Variants in NRP2 observed in about 807,000 individuals in gnomAD.
The protein encoded by NRP2 is neuropilin-2.
NRP2 carries 52 observed loss-of-function variants against 110.4 expected under a neutral mutation model. The ratio of observed to expected loss-of-function variants is 0.47; its 90% CI spans 0.38 to 0.59. NRP2 has a LOEUF of 0.59. Ranked by LOEUF, NRP2 falls within the 20% of genes least tolerant of loss-of-function variation. The pLI is 0.00. For synonymous variants in NRP2, 508 were observed against 468.9 expected (o/e 1.08, Z -1.08); for missense variants, 1,049 against 1,203.0 (o/e 0.87, Z 1.89).
chr2:205,775,982 CACTTA>C (rs1234656639), intron 15 of NRP2, among the ~76,000 whole-genome samples: 1 of 152,178 alleles, frequency 6.6e-6, no homozygotes, highest in Non-Finnish European at 1.5e-5. Flanking sequence ...GCTGTATAAC[CACTTA>C]ACTTAACCTC....
chr2:205,722,457 A>G, intron 3 of NRP2, 21 bp from the exon 4 acceptor site: 1 of 1,583,198 alleles, frequency 6.3e-7, no homozygotes, highest in Non-Finnish European at 8.7e-7. Context: ...TCTTAGTGCT[A>G]CAGTTCTCTT....
intron 2 of NRP2, among the ~76,000 whole-genome samples, chr2:205,698,944 G>A (rs897039858): frequency 6.6e-6 from 1 of 152,218 alleles, no homozygotes; most frequent in African/African-American, 2.4e-5. Flanking sequence ...GAGGAAACAA[G>A]GCCCCTCTTT....
At chr2:205,756,920 T>C (rs920597978) in intron 12 of NRP2, 2 of 152,182 alleles carry the variant, frequency 1.3e-5, no homozygotes, top group African/African-American at 4.8e-5. Flanking sequence ...TGTAAGTAAA[T>C]ATTAATACTA....
chr2:205,718,313 A>G (rs1010810954), intron 3 of NRP2, among the ~76,000 whole-genome samples: 2 of 152,264 alleles, frequency 1.3e-5, no homozygotes, highest in Non-Finnish European at 2.9e-5. Flanking sequence ...GGAGGATATT[A>G]AAAGATAAAA....
chr2:205,708,130 T>C, intron 2 of NRP2, among the ~76,000 whole-genome samples: 1 of 152,222 alleles, frequency 6.6e-6, no homozygotes, highest in East Asian at 1.9e-4. Flanking sequence ...TCTGGTATCA[T>C]TCCAGAATGC....
chr2:205,686,676 G>T lies in NRP2; in HGVS notation c.73+3313G>T, dbSNP rs1261341386. On this transcript the variant is annotated intron_variant, in intron 1 of 16. Coordinates refer to ENST00000357785, the MANE Select transcript of NRP2 (RefSeq NM_003872.3). The surrounding 1 kb of genome is among the most constrained non-coding windows in gnomAD (Gnocchi z 4.7). ...GAATCATCTGGGTTGGGGAACCTTCGGGAATCAGCTTTCCAGACCAAGTTT... is the reference window on the plus strand; with the variant it reads ...GAATCATCTGGGTTGGGGAACCTTCTGGAATCAGCTTTCCAGACCAAGTTT... Among the ~76,000 whole-genome samples the T allele has an allele frequency of 1.3e-5, 2 of 152,136 alleles. No homozygotes were observed. The highest frequency in any genetic ancestry group is 1.9e-4 in the East Asian group (1 of 5,170).
intron 10 of NRP2, among the ~76,000 whole-genome samples, chr2:205,748,532 G>C (rs936337201): frequency 5.3e-5 from 8 of 152,224 alleles, no homozygotes; most frequent in Admixed American, 4.6e-4. Flanking sequence ...AGTATGAAAG[G>C]TTATGTGCGT....
At chr2:205,729,196 AAAG>A (rs1368957741) in intron 7 of NRP2, among the ~76,000 whole-genome samples, 1 of 152,228 alleles carries the variant, frequency 6.6e-6, no homozygotes, top group African/African-American at 2.4e-5. Context: ...GGAAACGGGA[AAAG>A]GAGTAGATTT....
At chr2:205,700,652 A>C (rs927573622) in intron 2 of NRP2, 5 of 514,496 alleles carry the variant, frequency 9.7e-6, no homozygotes, top group African/African-American at 7.7e-5. Flanking sequence ...TGCTGAGTAA[A>C]CCCCAGATAG....
Position 205,745,784 on chromosome 2 carries a change from C to A in NRP2, c.1680C>A (p.Ile560=), listed in dbSNP as rs1197432999. The change falls in exon 10 of 17, where the codon ATC becomes ATA. Residue 560 remains isoleucine (I), a synonymous_variant. Transcript: ENST00000357785. The part of the protein sequence containing the change: ...EGNMHYDTPD[I]RRFDPIPAQY... ...ACATGCACTATGACACCCCTGACAT[C>A]CGAAGGTTTGACCCCATTCCGGCAC... 6.2e-7 allele frequency: 1 copy of A among 1,614,126 alleles called. No homozygotes were observed. The highest frequency in any genetic ancestry group is 8.5e-7 in the Non-Finnish European group (1 of 1,180,052).
At chr2:205,771,860 C>T (rs1036562118) in intron 15 of NRP2, among the ~76,000 whole-genome samples, 1 of 152,226 alleles carries the variant, frequency 6.6e-6, no homozygotes, top group African/African-American at 2.4e-5. Flanking sequence ...GGCATAAAAG[C>T]ATCCATAAGC....
At chr2:205,715,095 T>C (rs2056868259) in intron 2 of NRP2, among the ~76,000 whole-genome samples, 1 of 152,132 alleles carries the variant, frequency 6.6e-6, no homozygotes, top group Non-Finnish European at 1.5e-5. Flanking sequence ...TAAATAATGG[T>C]GCAGCGGCCA....
At chr2:205,697,469 A>G in intron 1 of NRP2, 75 bp from the exon 2 acceptor site, 1 of 1,324,684 alleles carries the variant, frequency 7.5e-7, no homozygotes, top group Non-Finnish European at 1.1e-6. Flanking sequence ...CTGGTACAGA[A>G]GAGAAGGAGG....
intron 15 of NRP2, among the ~76,000 whole-genome samples, chr2:205,783,931 A>G (rs1435016979): frequency 6.6e-6 from 1 of 151,846 alleles, no homozygotes; most frequent in African/African-American, 2.4e-5. Context: ...GGCATGAGGT[A>G]TGAGTATTTA....
At chr2:205,695,122 C>G (rs1232130176) in intron 1 of NRP2, among the ~76,000 whole-genome samples, 2 of 152,068 alleles carry the variant, frequency 1.3e-5, no homozygotes, top group East Asian at 3.8e-4. Context: ...AAAAGGTTAC[C>G]AACACACAAC....
intron 2 of NRP2, among the ~76,000 whole-genome samples, chr2:205,706,708 T>C (rs1420865480): frequency 6.6e-6 from 1 of 152,096 alleles, no homozygotes; most frequent in Non-Finnish European, 1.5e-5. Flanking sequence ...TCCAAGCAGA[T>C]ACAAGATTTA....
chr2:205,708,303 C>T (rs1402246311), intron 2 of NRP2, among the ~76,000 whole-genome samples: 2 of 152,196 alleles, frequency 1.3e-5, no homozygotes, highest in African/African-American at 4.8e-5. Context: ...CATAAGCAAA[C>T]ATGTTTCATC....
intron 15 of NRP2, among the ~76,000 whole-genome samples, chr2:205,772,825 G>A (rs933480666): frequency 2.0e-5 from 3 of 152,220 alleles, no homozygotes; most frequent in Non-Finnish European, 4.4e-5. Context: ...GGCATCTGGT[G>A]CAGGTGACAT....
At chr2:205,770,815 A>T (rs576974120) in intron 15 of NRP2, among the ~76,000 whole-genome samples, 1 of 152,168 alleles carries the variant, frequency 6.6e-6, no homozygotes, top group South Asian at 2.1e-4. Flanking sequence ...GGTGTTGCTG[A>T]GCAAGAAAGC....
Sources: gnomAD v4.1 joint callset for allele counts (sites outside exome capture counted in the v4.1 genomes callset) on GRCh38, gnomAD v4.1.1 for gene constraint, Gnocchi (gnomAD v3.1) non-coding constraint, MANE v1.5 for transcripts, NCBI Gene and HGNC (gene_info 2026-07-23, HGNC 2026-07-21) for gene names.